ZRANB3: variants seen among roughly 807,000 people sequenced by gnomAD.
ZRANB3 encodes DNA annealing helicase and endonuclease ZRANB3.
ZRANB3 carries 125 observed loss-of-function variants against 133.8 expected under a neutral mutation model. That is an observed-to-expected ratio of 0.93 (90% CI 0.81 to 1.08). ZRANB3 has a LOEUF of 1.08. Among genes scored for constraint, ZRANB3 ranks in the 50% least tolerant of loss-of-function variants. ZRANB3 has a pLI of 0.00. For missense variants in ZRANB3, 1,229 were observed against 1,275.5 expected, an observed-to-expected ratio of 0.96 and a Z score of 0.56; for synonymous variants, 387 against 432.7, an observed-to-expected ratio of 0.89 and a Z score of 1.31.
At chr2:135,262,212 A>T (rs905364560) in intron 12 of ZRANB3, among the ~76,000 whole-genome samples, 1 of 151,710 alleles carries the variant, frequency 6.6e-6, no homozygotes, top group East Asian at 1.9e-4. Context: ...TTAAAAGAAA[A>T]TCTTACAAAT....
chr2:135,217,060 G>A (rs543668639), intron 17 of ZRANB3, among the ~76,000 whole-genome samples: 1 of 152,314 alleles, frequency 6.6e-6, no homozygotes, highest in Non-Finnish European at 1.5e-5. Context: ...AATAGAACCA[G>A]CTCCCTTGCT....
chr2:135,378,593 G>T (rs1436703952), intron 3 of ZRANB3, among the ~76,000 whole-genome samples: 1 of 152,098 alleles, frequency 6.6e-6, no homozygotes, highest in Admixed American at 6.6e-5. Context: ...TAAAAAAAGG[G>T]GGGGAAATGA....
chr2:135,484,027 T>A (rs1489140400), intron 2 of ZRANB3, among the ~76,000 whole-genome samples: 1 of 152,170 alleles, frequency 6.6e-6, no homozygotes, highest in African/African-American at 2.4e-5. Flanking sequence ...GAGCTTTACT[T>A]CCAAGTATGT....
chr2:135,293,365 T>A (rs1681863634), intron 8 of ZRANB3, among the ~76,000 whole-genome samples: 1 of 152,060 alleles, frequency 6.6e-6, no homozygotes, highest in African/African-American at 2.4e-5. Context: ...CAATTGTGAA[T>A]GGGAGTTCAC....
chr2:135,485,153 C>G (rs980675181), intron 2 of ZRANB3, among the ~76,000 whole-genome samples: 2 of 101,732 alleles, frequency 2.0e-5, no homozygotes, highest in African/African-American at 1.1e-4. Context: ...ACAAACAAAA[C>G]AAAACAAAAC....
chr2:135,419,237 T>C (rs1444347349), intron 2 of ZRANB3, among the ~76,000 whole-genome samples: 2 of 151,078 alleles, frequency 1.3e-5, no homozygotes, highest in African/African-American at 4.9e-5. Context: ...GCACCTAGGC[T>C]TTTTTTTTCT....
intron 6 of ZRANB3, among the ~76,000 whole-genome samples, chr2:135,322,837 CA>C (rs1432596620): frequency 6.6e-6 from 1 of 151,814 alleles, no homozygotes; most frequent in Non-Finnish European, 1.5e-5. Context: ...GATAACATGG[CA>C]AAACCCCATC....
At chr2:135,253,042 G>A (rs1308833231) in intron 12 of ZRANB3, among the ~76,000 whole-genome samples, 2 of 152,108 alleles carry the variant, frequency 1.3e-5, no homozygotes, top group Non-Finnish European at 2.9e-5. Flanking sequence ...TTGACAAAGG[G>A]GCTTTATACA....
At position 135,198,230 on chromosome 2, in the gene ZRANB3, T is replaced by C. The variant is rs1693483446; in HGVS notation, c.*2112A>G. 1.3e-5 allele frequency: 2 copies of C among 152,158 alleles called. No individual in the cohort carries two copies. Among genetic ancestry groups the C allele is most frequent in the Non-Finnish European group, 2.9e-5 (2 of 68,046 alleles). The allele number at this position is 152,158 out of a possible 1,614,324, so 9.4% of individuals were successfully genotyped here. A position where few individuals can be genotyped will look rare whatever the true frequency, so the allele number is the denominator to read the frequency against. On this transcript the variant is annotated 3_prime_UTR_variant, in exon 21 of 21. Transcript: ENST00000264159. ...ATAGTGGGGAGCTTCTGTTTCAGAT[T>C]GTGAGGAGGAAAGAACAGTCCTCAA...
chr2:135,456,143 T>C (rs1309808081), intron 2 of ZRANB3, among the ~76,000 whole-genome samples: 5 of 152,206 alleles, frequency 3.3e-5, no homozygotes, highest in Admixed American at 6.5e-5. Context: ...GACTTGGCTA[T>C]ATAGCAAATA....
intron 1 of ZRANB3, among the ~76,000 whole-genome samples, chr2:135,514,617 C>T (rs62172210): frequency 2.5e-4 from 38 of 151,950 alleles, no homozygotes; most frequent in Admixed American, 7.2e-4. Context: ...TCTTCCTATC[C>T]GAATATCTTT....
At chr2:135,347,961 G>A (rs1685019728) in intron 5 of ZRANB3, among the ~76,000 whole-genome samples, 1 of 151,988 alleles carries the variant, frequency 6.6e-6, no homozygotes, top group African/African-American at 2.4e-5. Flanking sequence ...TCACAATAAA[G>A]ATAAGAGTGG....
At chr2:135,298,825 T>A (rs746016114) in intron 8 of ZRANB3, among the ~76,000 whole-genome samples, 1 of 152,234 alleles carries the variant, frequency 6.6e-6, no homozygotes. Flanking sequence ...ATTTGTCACA[T>A]GTACAGACTG....
chr2:135,227,850 AT>A lies in ZRANB3; in HGVS notation c.2119del (p.Ile707LeufsTer28). ...GGATGTAAGTCCGTCTTCTTTCTCA[AT>A]TTTTGGTGTTTCTTCCTTGCTGTCA... ...LADSKEETPKIEKEDGLTSQP... is the reference protein window; with the variant it reads ...LADSKEETPKXEKEDGLTSQP... On this transcript the variant is annotated frameshift_variant, in exon 14 of 21. Transcript: ENST00000264159. LOFTEE classifies it high-confidence loss of function. The A allele has an allele frequency of 6.3e-7, 1 of 1,577,740 alleles. No homozygotes were observed. The highest frequency in any genetic ancestry group is 8.6e-7 in the Non-Finnish European group (1 of 1,159,838).
At chr2:135,437,237 C>T (rs1281747373) in intron 2 of ZRANB3, among the ~76,000 whole-genome samples, 4 of 152,180 alleles carry the variant, frequency 2.6e-5, no homozygotes, top group African/African-American at 9.6e-5. Flanking sequence ...GGATTACAGG[C>T]GTGAGCCACC....
At chr2:135,482,894 G>C (rs1270935214) in intron 2 of ZRANB3, among the ~76,000 whole-genome samples, 2 of 151,642 alleles carry the variant, frequency 1.3e-5, no homozygotes, top group Admixed American at 1.3e-4. Context: ...TTTGTCTTTG[G>C]CTCTGTTTAT....
At chr2:135,505,428 G>C (rs1693130542) in intron 1 of ZRANB3, among the ~76,000 whole-genome samples, 1 of 152,038 alleles carries the variant, frequency 6.6e-6, no homozygotes, top group Non-Finnish European at 1.5e-5. Flanking sequence ...ACAAAAATTA[G>C]CTGGGCGTGG....
At chr2:135,281,824 C>T (rs1382729682) in intron 8 of ZRANB3, among the ~76,000 whole-genome samples, 1 of 152,192 alleles carries the variant, frequency 6.6e-6, no homozygotes, top group African/African-American at 2.4e-5. Flanking sequence ...TTTCATTACC[C>T]TAAAAAGGAT....
intron 2 of ZRANB3, among the ~76,000 whole-genome samples, chr2:135,416,954 T>G (rs1220532660): frequency 3.9e-5 from 6 of 152,088 alleles, no homozygotes; most frequent in Non-Finnish European, 7.4e-5. Context: ...ATACAAAAAT[T>G]AATTCAAGAT....
Sources: gnomAD v4.1 joint callset for allele counts (sites outside exome capture counted in the v4.1 genomes callset) on GRCh38, gnomAD v4.1.1 for gene constraint, MANE v1.5 for transcripts, NCBI Gene and HGNC (gene_info 2026-07-23, HGNC 2026-07-21) for gene names.